ROCK2: variants seen among roughly 807,000 people sequenced by gnomAD.
The protein encoded by ROCK2 is rho-associated protein kinase 2.
ROCK2 carries 61 observed loss-of-function variants against 195.1 expected under a neutral mutation model. The observed-to-expected ratio is 0.31, with a 90% CI of 0.25 to 0.39. The LOEUF (loss-of-function observed/expected upper bound fraction) is 0.39, where lower values mean the gene tolerates loss of function less well. Among genes scored for constraint, ROCK2 ranks in the 10% least tolerant of loss-of-function variants. The pLI, the probability that ROCK2 is intolerant of heterozygous loss-of-function variation, is 1.00. For missense variants in ROCK2, 1,109 were observed against 1,637.4 expected (o/e 0.68, Z 5.57); for synonymous variants, 504 against 545.5 (o/e 0.92, Z 1.06).
intron 1 of ROCK2, among the ~76,000 whole-genome samples, chr2:11,317,604 A>ATC (rs1455941424): frequency 6.2e-5 from 1 of 16,192 alleles, no homozygotes; most frequent in African/African-American, 1.9e-4. Flanking sequence ...ATATATATAT[A>ATC]TATATATATT....
Position 11,181,811 on chromosome 2 carries a change from T to C in ROCK2, c.*1626A>G, listed in dbSNP as rs538989601. ...ATCATGCCCGGCTAATTTTTGTATA[T>C]TGGTAGAGACGGAGTTTCACTATGT... On this transcript the variant is annotated 3_prime_UTR_variant, in exon 33 of 33. Coordinates refer to ENST00000315872, the MANE Select transcript of ROCK2 (RefSeq NM_004850.5). 2.7e-4 allele frequency: 41 copies of C among 152,048 alleles called. No homozygotes were observed. Among genetic ancestry groups the C allele is most frequent in the African/African-American group, 9.9e-4 (41 of 41,466 alleles). 9.4% of individuals were successfully genotyped at this position (152,048 alleles called of 1,614,324 possible). A position where few individuals can be genotyped will look rare whatever the true frequency, so the allele number is the denominator to read the frequency against.
intron 1 of ROCK2, among the ~76,000 whole-genome samples, chr2:11,326,155 G>A (rs1222030736): frequency 1.3e-5 from 2 of 152,022 alleles, no homozygotes; most frequent in African/African-American, 4.8e-5. Context: ...CTCTCAGATG[G>A]ATAAAATGGA....
chr2:11,289,196 C>CT (rs1667288673), intron 1 of ROCK2, among the ~76,000 whole-genome samples: 4 of 152,246 alleles, frequency 2.6e-5, no homozygotes, highest in African/African-American at 9.6e-5. Flanking sequence ...AAAAATCCAA[C>CT]TTCCAGGTAA....
chr2:11,265,791 G>A (rs951320163), intron 3 of ROCK2, among the ~76,000 whole-genome samples: 3 of 152,138 alleles, frequency 2.0e-5, no homozygotes, highest in African/African-American at 7.2e-5. Flanking sequence ...GGAATAAGAA[G>A]TAAGCAGGGG....
chr2:11,300,781 C>A (rs896375690), intron 1 of ROCK2, among the ~76,000 whole-genome samples: 2 of 152,088 alleles, frequency 1.3e-5, no homozygotes, highest in Admixed American at 6.5e-5. Flanking sequence ...CCACCAGATA[C>A]CCAAAAGACC....
At position 11,235,176 on chromosome 2, in the gene ROCK2, C is replaced by G. The variant is rs1292594722; in HGVS notation, c.723+526G>C. Among the ~76,000 whole-genome samples, 1 of 152,120 alleles carries G rather than the reference C, an allele frequency of 6.6e-6. No homozygotes were observed. Among genetic ancestry groups the G allele is most frequent in the Non-Finnish European group, 1.5e-5 (1 of 67,974 alleles). On this transcript the variant is annotated intron_variant, in intron 5 of 32. Transcript: ENST00000315872. This position sits in a 1 kb window ranked among gnomAD's most constrained non-coding sequence, Gnocchi z 4.2. ...ATAATTAGCTACGAGGTTAATGCCACTGAACCTATCAATCATAATATGAAT... is the reference window on the plus strand; with the variant it reads ...ATAATTAGCTACGAGGTTAATGCCAGTGAACCTATCAATCATAATATGAAT...
chr2:11,344,856 C>T (rs1486400435), upstream of ROCK2, among the ~76,000 whole-genome samples: 2 of 150,876 alleles, frequency 1.3e-5, no homozygotes, highest in Middle Eastern at 3.4e-3. The surrounding 1 kb of genome is among the most constrained non-coding windows in gnomAD (Gnocchi z 5.4). Context: ...GGCGAATAGC[C>T]GGGCGCGCGG....
intron 1 of ROCK2, among the ~76,000 whole-genome samples, chr2:11,291,259 A>G (rs183917523): frequency 3.3e-4 from 51 of 152,320 alleles, no homozygotes; most frequent in Admixed American, 7.2e-4. Context: ...TTAGTATCTT[A>G]TTGTTGTTGG....
chr2:11,266,789 T>A (rs946518759), intron 3 of ROCK2, among the ~76,000 whole-genome samples: 17 of 152,162 alleles, frequency 1.1e-4, no homozygotes, highest in Non-Finnish European at 1.5e-4. Flanking sequence ...CTACATAAAG[T>A]AAAACAGAAC....
At chr2:11,313,867 A>G (rs1385594522) in intron 1 of ROCK2, among the ~76,000 whole-genome samples, 1 of 152,058 alleles carries the variant, frequency 6.6e-6, no homozygotes, top group South Asian at 2.1e-4. Context: ...AACAACTTTT[A>G]AAAGCATTTT....
rs28441302 is a variant in ROCK2, at chr2:11,330,516, G to C, written c.141+13480C>G. Among the ~76,000 whole-genome samples the C allele has an allele frequency of 8.7e-3, 1,319 of 152,192 alleles. 18 individuals carry two copies. The highest frequency in any genetic ancestry group is 0.03 in the African/African-American group (1,257 of 41,506). Reference sequence around the variant, plus strand: ...ACATACAAAAACACATTTTTCACTAGATCTTGTAGGCATCAAAGCTCATGA... The same window carrying C: ...ACATACAAAAACACATTTTTCACTACATCTTGTAGGCATCAAAGCTCATGA... On this transcript the variant is annotated intron_variant, in intron 1 of 32. Transcript: ENST00000315872.
chr2:11,257,002 T>C (rs16857307), intron 3 of ROCK2, among the ~76,000 whole-genome samples: 1,666 of 151,402 alleles, frequency 0.011, 117 homozygotes, highest in African/African-American at 0.04. Context: ...CAGTATTTGA[T>C]AGAACAAGCA....
At chr2:11,212,927 C>T (rs1237820685) in intron 17 of ROCK2, among the ~76,000 whole-genome samples, 2 of 152,168 alleles carry the variant, frequency 1.3e-5, no homozygotes, top group Admixed American at 6.5e-5. Context: ...TACCCTCAAA[C>T]TTAAGAGGAC....
At position 11,188,630 on chromosome 2, in the gene ROCK2, T is replaced by G. The variant is rs534972380; in HGVS notation, c.4163+3518A>C. On this transcript the variant is annotated intron_variant, in intron 32 of 32. Transcript: ENST00000315872. ...TAGTCTTATTTTATTTTTATTTTTT[T>G]ATTTTTATTTTTTGAGACGGAGTCT... 1.8e-3 allele frequency among the ~76,000 whole-genome samples: 255 copies of G among 139,580 alleles called. 1 individual carries two copies. Among genetic ancestry groups the G allele is most frequent in the African/African-American group, 5.9e-3 (243 of 40,976 alleles). 91.6% of individuals were successfully genotyped at this position (139,580 alleles called of 152,430 possible). A position where few individuals can be genotyped will look rare whatever the true frequency, so the allele number is the denominator to read the frequency against.
At chr2:11,215,485 G>T in intron 14 of ROCK2, 25 bp downstream of exon 14, 1 of 1,608,214 alleles carries the variant, frequency 6.2e-7, no homozygotes. Context: ...TTCTTGATGA[G>T]TAATTAATAT....
chr2:11,313,079 A>C (rs1418384375), intron 1 of ROCK2, among the ~76,000 whole-genome samples: 1 of 152,134 alleles, frequency 6.6e-6, no homozygotes, highest in East Asian at 1.9e-4. Context: ...TCAAAACCCA[A>C]ACAAATGTAC....
At chr2:11,308,685 T>C in intron 1 of ROCK2, 1 of 1,528,132 alleles carries the variant, frequency 6.5e-7, no homozygotes, top group Non-Finnish European at 9.1e-7. Context: ...CATTTTAATG[T>C]GGACATTGAG....
intron 1 of ROCK2, among the ~76,000 whole-genome samples, chr2:11,320,922 G>A (rs1668379944): frequency 6.6e-6 from 1 of 152,144 alleles, no homozygotes; most frequent in Admixed American, 6.5e-5. Flanking sequence ...GGTGTACAGA[G>A]AAAGAACACA....
intron 1 of ROCK2, among the ~76,000 whole-genome samples, chr2:11,293,313 G>A (rs892309951): frequency 1.4e-4 from 21 of 152,248 alleles, no homozygotes; most frequent in African/African-American, 4.1e-4. Flanking sequence ...CTTAATAGAG[G>A]AAAAGATAAA....
Sources: allele counts gnomAD v4.1 joint callset (sites outside exome capture counted in the v4.1 genomes callset), GRCh38; gene constraint gnomAD v4.1.1; non-coding constraint Gnocchi (gnomAD v3.1); transcripts MANE v1.5; gene names NCBI Gene and HGNC (gene_info 2026-07-23, HGNC 2026-07-21).